The following B3GAT2 variants were observed in gnomAD, a reference collection of about 807,000 sequenced individuals.
B3GAT2 encodes the protein beta-1,3-glucuronyltransferase 2.
Under a neutral mutation model 27.8 loss-of-function variants are expected in B3GAT2, and 26 were observed. That is an observed-to-expected ratio of 0.93 (90% CI 0.68 to 1.30). The LOEUF (loss-of-function observed/expected upper bound fraction) is 1.30, where lower values mean the gene tolerates loss of function less well. Among genes scored for constraint, B3GAT2 ranks in the 50% most tolerant of loss-of-function variants. The probability of loss-of-function intolerance (pLI) is 0.00; values close to 1 mark genes in which losing one functional copy is unlikely to be tolerated. For missense variants in B3GAT2, 458 were observed against 459.0 expected, an observed-to-expected ratio of 1.00 and a Z score of 0.02; for synonymous variants, 218 against 195.1, an observed-to-expected ratio of 1.12 and a Z score of -0.98.
At chr6:70,893,831 C>T (rs566375546) in intron 2 of B3GAT2, among the ~76,000 whole-genome samples, 1 of 152,148 alleles carries the variant, frequency 6.6e-6, no homozygotes, top group Non-Finnish European at 1.5e-5. Flanking sequence ...GCTCTCACCA[C>T]CGAATCCCCA....
At chr6:70,911,496 T>C (rs967896178) in intron 1 of B3GAT2, among the ~76,000 whole-genome samples, 1 of 152,166 alleles carries the variant, frequency 6.6e-6, no homozygotes, top group African/African-American at 2.4e-5. Context: ...TCTATTCCAT[T>C]GGTTTATGTG....
intron 1 of B3GAT2, among the ~76,000 whole-genome samples, chr6:70,912,839 A>T (rs895906778): frequency 6.6e-6 from 1 of 152,062 alleles, no homozygotes; most frequent in African/African-American, 2.4e-5. Context: ...CTACTGATTC[A>T]ATTTTGGAAC....
intron 1 of B3GAT2, among the ~76,000 whole-genome samples, chr6:70,909,172 T>A (rs1245025872): frequency 6.6e-5 from 10 of 152,050 alleles, no homozygotes; most frequent in Non-Finnish European, 1.2e-4. Flanking sequence ...ACACACATGC[T>A]AGGGCTGTTT....
intron 1 of B3GAT2, among the ~76,000 whole-genome samples, chr6:70,947,331 C>G (rs1264245862): frequency 2.0e-5 from 3 of 151,908 alleles, no homozygotes; most frequent in African/African-American, 7.3e-5. Context: ...TGATAGACCA[C>G]TAGCAAGACT....
chr6:70,956,179 G>T lies in B3GAT2; in HGVS notation c.251C>A (p.Ala84Asp), dbSNP rs1181840325. 4 of 1,611,144 alleles carry T rather than the reference G, an allele frequency of 2.5e-6. No individual in the cohort carries two copies. The highest frequency in any genetic ancestry group is 3.4e-6 in the Non-Finnish European group (4 of 1,178,528). Residue 84 changes from alanine to aspartate, a missense_variant, in exon 1 of 4, where the codon GCC becomes GAC. By Grantham distance (126) the Ala-to-Asp change is moderately radical (BLOSUM62 -2). Coordinates refer to ENST00000230053, the MANE Select transcript of B3GAT2 (RefSeq NM_080742.3). Reference protein sequence around the residue: ...QPEPQLPTIYAITPTYSRPVQ... With the variant: ...QPEPQLPTIYDITPTYSRPVQ... The stretch of plus-strand genomic sequence containing the variant: ...CGGGCGGCTGTAGGTGGGCGTGATG[G>T]CATAGATGGTGGGCAGCTGCGGCTC...
intron 1 of B3GAT2, among the ~76,000 whole-genome samples, chr6:70,895,304 AC>A (rs1269543289): frequency 6.6e-6 from 1 of 152,170 alleles, no homozygotes; most frequent in Non-Finnish European, 1.5e-5. Flanking sequence ...TAATCAGTTA[AC>A]CAGTGGTTAA....
chr6:70,926,211 A>C (rs1340045059), intron 1 of B3GAT2, among the ~76,000 whole-genome samples: 1 of 152,176 alleles, frequency 6.6e-6, no homozygotes, highest in Non-Finnish European at 1.5e-5. Context: ...AAAACCACAA[A>C]GATGCGGAGA....
chr6:70,923,512 A>C (rs2150042837), intron 1 of B3GAT2, among the ~76,000 whole-genome samples: 2 of 152,164 alleles, frequency 1.3e-5, no homozygotes, highest in South Asian at 4.2e-4. Flanking sequence ...TCTCTACAAA[A>C]ATTTTTTTAA....
intron 1 of B3GAT2, among the ~76,000 whole-genome samples, chr6:70,922,751 C>T (rs1772891035): frequency 6.6e-6 from 1 of 151,780 alleles, no homozygotes; most frequent in Admixed American, 6.6e-5. Flanking sequence ...TCTAAGTTTT[C>T]ATCTCAAGAA....
rs1486288699 is a variant in B3GAT2 at position 70,956,863 on chromosome 6, C to A, written c.-434G>T. ...CGGGCACAAGGGCTCCAGCCGCGGG[C>A]CCCCAGGACGCTCTCTGGGACGCCT... On this transcript the variant is annotated 5_prime_UTR_variant, in exon 1 of 4. Coordinates refer to ENST00000230053, the MANE Select transcript of B3GAT2 (RefSeq NM_080742.3). 102 of 1,023,596 alleles carry A rather than the reference C, an allele frequency of 1.0e-4. No homozygotes were observed. Among genetic ancestry groups the A allele is most frequent in the Non-Finnish European group, 1.2e-4 (102 of 855,104 alleles). The allele number at this position is 1,023,596 out of a possible 1,614,324, so 63.4% of individuals were successfully genotyped here.
chr6:70,867,608 C>A (rs1393222145), intron 2 of B3GAT2, among the ~76,000 whole-genome samples: 2 of 152,058 alleles, frequency 1.3e-5, no homozygotes, highest in Non-Finnish European at 2.9e-5. Flanking sequence ...ACAAGGCTCA[C>A]TCATGAAGAA....
chr6:70,928,177 T>A lies in B3GAT2; in HGVS notation c.591+27662A>T, dbSNP rs372526597. On this transcript the variant is annotated intron_variant, in intron 1 of 3. Coordinates refer to ENST00000230053, the MANE Select transcript of B3GAT2 (RefSeq NM_080742.3). Reference sequence around the variant, plus strand: ...ACATACCAGAATCTCTGGGACACATTCAAAGCAGTGTGTAGAGGGAAATTT... The same window carrying A: ...ACATACCAGAATCTCTGGGACACATACAAAGCAGTGTGTAGAGGGAAATTT... 3.1e-4 allele frequency among the ~76,000 whole-genome samples: 47 copies of A among 152,006 alleles called. No individual in the cohort carries two copies. In the East Asian group the frequency reaches 6.6e-3, roughly 21 times the overall value.
At chr6:70,936,616 G>A (rs1319588094) in intron 1 of B3GAT2, among the ~76,000 whole-genome samples, 5 of 151,470 alleles carry the variant, frequency 3.3e-5, no homozygotes, top group East Asian at 3.9e-4. Context: ...AAACCGCTCA[G>A]CTACATGGAA....
At chr6:70,947,526 A>G (rs1765510984) in intron 1 of B3GAT2, among the ~76,000 whole-genome samples, 1 of 152,148 alleles carries the variant, frequency 6.6e-6, no homozygotes, top group Non-Finnish European at 1.5e-5. Context: ...CGAAGACTAA[A>G]CCAGGAAGAA....
chr6:70,883,060 A>G lies in B3GAT2; in HGVS notation c.736+11068T>C, dbSNP rs547431427. 4.6e-5 allele frequency among the ~76,000 whole-genome samples: 7 copies of G among 152,342 alleles called. No individual in the cohort carries two copies. In the East Asian group the frequency reaches 1.2e-3, roughly 25 times the overall value. On this transcript the variant is annotated intron_variant, in intron 2 of 3. Coordinates refer to ENST00000230053, the MANE Select transcript of B3GAT2 (RefSeq NM_080742.3). ...TGGCTATTATTAAAAAAACTAATACAACAAAACAGAAGCAAATAAGTATTA... is the reference window on the plus strand; with the variant it reads ...TGGCTATTATTAAAAAAACTAATACGACAAAACAGAAGCAAATAAGTATTA...
intron 2 of B3GAT2, among the ~76,000 whole-genome samples, chr6:70,879,567 A>G (rs1772066985): frequency 6.6e-6 from 1 of 152,184 alleles, no homozygotes; most frequent in Non-Finnish European, 1.5e-5. Flanking sequence ...GGTAAGCAAA[A>G]TCAGTCATGA....
chr6:70,946,300 G>T (rs1765482426), intron 1 of B3GAT2, among the ~76,000 whole-genome samples: 2 of 152,170 alleles, frequency 1.3e-5, no homozygotes, highest in Non-Finnish European at 2.9e-5. Flanking sequence ...GGGATAAAGA[G>T]TCAAGACCCA....
At chr6:70,873,626 A>AT (rs972492720) in intron 2 of B3GAT2, among the ~76,000 whole-genome samples, 3 of 148,422 alleles carry the variant, frequency 2.0e-5, no homozygotes, top group Non-Finnish European at 3.0e-5. Context: ...AAGTTCTAAC[A>AT]TTTTTTTTCA....
intron 1 of B3GAT2, among the ~76,000 whole-genome samples, chr6:70,908,871 G>A (rs150302997): frequency 6.6e-6 from 1 of 152,164 alleles, no homozygotes; most frequent in Non-Finnish European, 1.5e-5. Context: ...ATATGTGACA[G>A]CTGGATAAAA....
Sources: allele counts gnomAD v4.1 joint callset (sites outside exome capture counted in the v4.1 genomes callset), GRCh38; gene constraint gnomAD v4.1.1; transcripts MANE v1.5; gene names NCBI Gene and HGNC (gene_info 2026-07-23, HGNC 2026-07-21).